The following CTNNA1 variants were observed in gnomAD, a reference collection of about 807,000 sequenced individuals.
CTNNA1 encodes the protein catenin alpha-1.
Under a neutral mutation model 98.4 loss-of-function variants are expected in CTNNA1, and 37 were observed. That is an observed-to-expected ratio of 0.38 (90% CI 0.29 to 0.49). The LOEUF (loss-of-function observed/expected upper bound fraction) is 0.49, where lower values mean the gene tolerates loss of function less well. Among genes scored for constraint, CTNNA1 ranks in the 20% least tolerant of loss-of-function variants. The pLI is 0.95. For synonymous variants in CTNNA1, 404 were observed against 413.2 expected (o/e 0.98, Z 0.27); for missense variants, 761 against 1,147.2 (o/e 0.66, Z 4.86).
At chr5:138,783,487 A>G (rs1755361774) in intron 3 of CTNNA1, 115 bp downstream of exon 3, 1 of 815,404 alleles carries the variant, frequency 1.2e-6, no homozygotes, top group Non-Finnish European at 1.9e-6. Flanking sequence ...TTGCTCAGTA[A>G]CTTACTTAGT....
chr5:138,770,339 G>C (rs1333414212), intron 1 of CTNNA1, among the ~76,000 whole-genome samples: 3 of 152,112 alleles, frequency 2.0e-5, no homozygotes, highest in Non-Finnish European at 4.4e-5. Context: ...GTTGTTAGGA[G>C]GGCTTGATGC....
intron 10 of CTNNA1, among the ~76,000 whole-genome samples, chr5:138,917,361 T>C (rs1762011302): frequency 6.6e-6 from 1 of 152,204 alleles, no homozygotes; most frequent in African/African-American, 2.4e-5. Flanking sequence ...TTTAATGATA[T>C]GGAGAAGCAT....
At chr5:138,782,113 G>A in intron 2 of CTNNA1, 84 bp downstream of exon 2, 1 of 1,306,954 alleles carries the variant, frequency 7.7e-7, no homozygotes, top group South Asian at 1.3e-5. Context: ...AGGTTATTTA[G>A]TTCAAAGCCT....
chr5:138,923,423 A>T (rs1254053479), intron 11 of CTNNA1, among the ~76,000 whole-genome samples: 1 of 152,180 alleles, frequency 6.6e-6, no homozygotes, highest in African/African-American at 2.4e-5. Context: ...ATTAATAGAG[A>T]CCAAAATATG....
Position 138,874,316 on chromosome 5 carries a change from G to A in CTNNA1, c.1063-11896G>A, listed in dbSNP as rs760522870. 6.2e-7 allele frequency: 1 copy of A among 1,614,000 alleles called. No homozygotes were observed. The highest frequency in any genetic ancestry group is 8.5e-7 in the Non-Finnish European group (1 of 1,179,902). ...GAGCCAAGTAAGTTGACTGAAGCTG[G>A]CAAATTGATCTCTTTCGAGCTCTGT... On this transcript the variant is annotated intron_variant, in intron 7 of 17. Coordinates refer to ENST00000302763, the MANE Select transcript of CTNNA1 (RefSeq NM_001903.5). This position sits in a 1 kb window ranked among gnomAD's most constrained non-coding sequence, Gnocchi z 4.1.
chr5:138,929,010 C>T (rs1764734102), intron 13 of CTNNA1, among the ~76,000 whole-genome samples: 1 of 152,178 alleles, frequency 6.6e-6, no homozygotes, highest in African/African-American at 2.4e-5. Context: ...GAGCCCCACA[C>T]ACAGTGAAAC....
chr5:138,778,183 A>G (rs1224695555), intron 1 of CTNNA1, among the ~76,000 whole-genome samples: 3 of 151,102 alleles, frequency 2.0e-5, no homozygotes, highest in Non-Finnish European at 4.4e-5. Context: ...TTTAGTAGAG[A>G]CGGGGTTTCA....
At chr5:138,880,946 A>C (rs966736266) in intron 7 of CTNNA1, 6 of 428,026 alleles carry the variant, frequency 1.4e-5, no homozygotes, top group South Asian at 6.7e-5. Flanking sequence ...GAAAAAAAAA[A>C]ACACATTGAA....
intron 5 of CTNNA1, among the ~76,000 whole-genome samples, chr5:138,816,548 TC>T (rs1759451347): frequency 6.6e-6 from 1 of 152,204 alleles, no homozygotes; most frequent in Non-Finnish European, 1.5e-5. Flanking sequence ...TTTTTTCCTT[TC>T]GTTTTGCTAA....
intron 7 of CTNNA1, among the ~76,000 whole-genome samples, chr5:138,849,305 A>G (rs1762991993): frequency 6.6e-6 from 1 of 152,160 alleles, no homozygotes; most frequent in South Asian, 2.1e-4. Context: ...GCTATTATGA[A>G]TAGGGTTTTG....
intron 3 of CTNNA1, among the ~76,000 whole-genome samples, chr5:138,806,063 A>G (rs1758052174): frequency 6.6e-6 from 1 of 152,170 alleles, no homozygotes; most frequent in Non-Finnish European, 1.5e-5. Flanking sequence ...TTGTAAGTAT[A>G]TGGTGTGAGA....
rs150847731 is a variant in CTNNA1 at position 138,915,283 on chromosome 5, G to A, written c.1390-2459G>A. On this transcript the variant is annotated intron_variant, in intron 10 of 17. Transcript: ENST00000302763. Reference sequence around the variant, plus strand: ...ATTCACTTATTCAATGAATACAGCCGAAGGATCTGAATAGACATCTCTTCA... The same window carrying A: ...ATTCACTTATTCAATGAATACAGCCAAAGGATCTGAATAGACATCTCTTCA... 3.2e-4 allele frequency among the ~76,000 whole-genome samples: 49 copies of A among 152,152 alleles called. No homozygotes were observed. In the East Asian group the frequency reaches 6.0e-3, roughly 19 times the overall value.
At chr5:138,905,173 C>A (rs1454357347) in intron 10 of CTNNA1, among the ~76,000 whole-genome samples, 5 of 151,708 alleles carry the variant, frequency 3.3e-5, no homozygotes, top group African/African-American at 9.7e-5. Context: ...ACCTGTAGTC[C>A]CAGCCACTCA....
chr5:138,917,783 T>C lies in CTNNA1; in HGVS notation c.1431T>C (p.Ser477=), dbSNP rs1256315638. The change falls in exon 11 of 18, where the codon AGT becomes AGC. Residue 477 remains serine, a synonymous_variant. Coordinates refer to ENST00000302763, the MANE Select transcript of CTNNA1 (RefSeq NM_001903.5). ...AALALAAKPQ[S]KLAQENMDLF... ...TGGCTTTAGCAGCAAAACCACAGAG[T>C]AAACTGGCCCAAGAGAACATGGATC... 2 of 1,613,956 alleles carry C rather than the reference T, an allele frequency of 1.2e-6. No homozygotes were observed. Among genetic ancestry groups the C allele is most frequent in the African/African-American group, 2.7e-5 (2 of 74,892 alleles).
At chr5:138,801,473 T>C (rs1278229833) in intron 3 of CTNNA1, among the ~76,000 whole-genome samples, 2 of 152,236 alleles carry the variant, frequency 1.3e-5, no homozygotes, top group Non-Finnish European at 2.9e-5. Flanking sequence ...CAATTTTCAA[T>C]ATGCTTATTG....
intron 7 of CTNNA1, among the ~76,000 whole-genome samples, chr5:138,838,769 A>T (rs1358595968): frequency 1.3e-5 from 2 of 151,964 alleles, no homozygotes; most frequent in Non-Finnish European, 2.9e-5. Context: ...TTTTCATTTT[A>T]AAATTATTTT....
chr5:138,930,478 C>A lies in CTNNA1; in HGVS notation c.2016C>A (p.Ile672=), dbSNP rs1363433371. 2.0e-5 allele frequency: 32 copies of A among 1,610,874 alleles called. No individual in the cohort carries two copies. Among genetic ancestry groups the A allele is most frequent in the Non-Finnish European group, 2.7e-5 (32 of 1,178,256 alleles). Residue 672 remains isoleucine, a synonymous_variant, in exon 15 of 18, where the codon ATC becomes ATA. Transcript: ENST00000302763. The part of the protein sequence containing the change: ...QLIAGQSARA[I]MAQLPQEQKA... ...CTTTGTGCTTCTGATCACAGGCGAT[C>A]ATGGCTCAGCTTCCCCAGGAGCAAA...
intron 1 of CTNNA1, among the ~76,000 whole-genome samples, chr5:138,781,565 A>G (rs1755116600): frequency 6.6e-6 from 1 of 152,098 alleles, no homozygotes; most frequent in Non-Finnish European, 1.5e-5. Flanking sequence ...AAAAAAAAAA[A>G]AAAAAAGAAA....
chr5:138,888,177 T>G (rs1033723965), intron 9 of CTNNA1, among the ~76,000 whole-genome samples: 3 of 152,200 alleles, frequency 2.0e-5, no homozygotes, highest in Non-Finnish European at 4.4e-5. Flanking sequence ...AGCCCTGACA[T>G]GGGGCTAATT....
Sources: gnomAD v4.1 joint callset for allele counts (sites outside exome capture counted in the v4.1 genomes callset) on GRCh38, gnomAD v4.1.1 for gene constraint, Gnocchi (gnomAD v3.1) non-coding constraint, MANE v1.5 for transcripts, NCBI Gene and HGNC (gene_info 2026-07-23, HGNC 2026-07-21) for gene names.